The following SNRPD1 variants were observed in gnomAD, a reference collection of about 807,000 sequenced individuals.
SNRPD1 encodes the protein small nuclear ribonucleoprotein Sm D1.
Under a neutral mutation model 14.4 loss-of-function variants are expected in SNRPD1, and 1 was observed. That is an observed-to-expected ratio of 0.07 (90% confidence interval 0.02 to 0.33). The LOEUF is 0.33. Among genes scored for constraint, SNRPD1 ranks in the 10% least tolerant of loss-of-function variants. The probability of loss-of-function intolerance (pLI) is 1.00; values close to 1 mark genes in which losing one functional copy is unlikely to be tolerated. For synonymous variants in SNRPD1, 42 were observed against 50.3 expected, an observed-to-expected ratio of 0.83 and a Z score of 0.70; for missense variants, 52 against 146.4, an observed-to-expected ratio of 0.36 and a Z score of 3.33.
At chr18:21,626,200 C>T (rs748428088) in intron 3 of SNRPD1, among the ~76,000 whole-genome samples, 27 of 151,058 alleles carry the variant, frequency 1.8e-4, no homozygotes, top group Non-Finnish European at 3.5e-4. Context: ...CGAGACCAGC[C>T]CGGGCAACAT....
intron 1 of SNRPD1, among the ~76,000 whole-genome samples, chr18:21,615,739 C>T (rs2038952602): frequency 6.6e-6 from 1 of 152,112 alleles, no homozygotes; most frequent in African/African-American, 2.4e-5. Flanking sequence ...TGGAGGGAAA[C>T]AAATTTTCGT....
chr18:21,621,099 C>T (rs1350103220), intron 1 of SNRPD1, among the ~76,000 whole-genome samples: 2 of 151,816 alleles, frequency 1.3e-5, no homozygotes, highest in East Asian at 1.9e-4. Flanking sequence ...ACCTAGGAGG[C>T]GGAGGTTGCA....
At chr18:21,623,255 C>G (rs1057126845) in intron 2 of SNRPD1, among the ~76,000 whole-genome samples, 1 of 152,198 alleles carries the variant, frequency 6.6e-6, no homozygotes, top group Non-Finnish European at 1.5e-5. Context: ...CCACACCCAG[C>G]TAATTTTTTA....
At chr18:21,621,449 G>A (rs1210284558) in intron 1 of SNRPD1, among the ~76,000 whole-genome samples, 1 of 152,130 alleles carries the variant, frequency 6.6e-6, no homozygotes, top group Non-Finnish European at 1.5e-5. Context: ...CACTCAGGCT[G>A]GGGTACAGTG....
At chr18:21,620,231 G>A (rs1350199047) in intron 1 of SNRPD1, among the ~76,000 whole-genome samples, 3 of 152,108 alleles carry the variant, frequency 2.0e-5, no homozygotes, top group Non-Finnish European at 2.9e-5. Flanking sequence ...TGGGGTTACA[G>A]GCATGAGCTA....
At chr18:21,614,009 A>C (rs2038939933) in intron 1 of SNRPD1, among the ~76,000 whole-genome samples, 1 of 152,082 alleles carries the variant, frequency 6.6e-6, no homozygotes, top group African/African-American at 2.4e-5. Flanking sequence ...GTGGTGGCTC[A>C]CGCCTGTAAT....
intron 1 of SNRPD1, among the ~76,000 whole-genome samples, chr18:21,621,191 A>G (rs1292263987): frequency 2.0e-5 from 3 of 152,022 alleles, no homozygotes; most frequent in Non-Finnish European, 2.9e-5. Flanking sequence ...AAGATATTCA[A>G]TCTCACAGGT....
At chr18:21,623,984 A>G (rs756992544) in intron 3 of SNRPD1, 45 bp downstream of exon 3, 2 of 1,086,404 alleles carry the variant, frequency 1.8e-6, no homozygotes, top group Non-Finnish European at 2.8e-6. Flanking sequence ...GCTAATCCTA[A>G]TCCACACTAT....
chr18:21,620,585 C>A (rs1052500996), intron 1 of SNRPD1, among the ~76,000 whole-genome samples: 1 of 152,070 alleles, frequency 6.6e-6, no homozygotes, highest in East Asian at 1.9e-4. Flanking sequence ...TAAAAAAGAT[C>A]AATTCCAAGT....
chr18:21,617,185 T>G (rs1308814238), intron 1 of SNRPD1, among the ~76,000 whole-genome samples: 2 of 151,970 alleles, frequency 1.3e-5, no homozygotes, highest in Non-Finnish European at 2.9e-5. Flanking sequence ...CCAGGCTTGG[T>G]GGCTCATGCC....
chr18:21,622,776 A>G lies in SNRPD1; in HGVS notation c.66A>G (p.Gly22=). 6.3e-7 allele frequency: 1 copy of G among 1,586,060 alleles called. No homozygotes were observed. Residue 22 remains glycine, a synonymous_variant, in exon 2 of 4, where the codon GGA becomes GGG. Coordinates refer to ENST00000300413, the MANE Select transcript of SNRPD1 (RefSeq NM_006938.4). ...HETVTIELKN[G]TQVHGTITGV... is the part of the protein sequence containing the mutation. ...CTGTAACCATTGAATTGAAGAACGGAACACAGGTCCATGGAACAATCACAG... is the reference window on the plus strand; with the variant it reads ...CTGTAACCATTGAATTGAAGAACGGGACACAGGTCCATGGAACAATCACAG...
chr18:21,618,441 C>T (rs975173271), intron 1 of SNRPD1, among the ~76,000 whole-genome samples: 4 of 151,336 alleles, frequency 2.6e-5, no homozygotes, highest in Non-Finnish European at 5.9e-5. Flanking sequence ...CGCCTGGCCA[C>T]ATAAGGTTTT....
Position 21,632,791 on chromosome 18 carries a change from T to C in SNRPD1, c.*3653T>C, listed in dbSNP as rs969437890. On this transcript the variant is annotated 3_prime_UTR_variant, in exon 4 of 4. Transcript: ENST00000300413. ...ACTGCAGCATTTTGTACACATCTGATATTTAATGAGATGTTACATATGAAC... is the reference window on the plus strand; with the variant it reads ...ACTGCAGCATTTTGTACACATCTGACATTTAATGAGATGTTACATATGAAC... 2 of 153,704 alleles carry C rather than the reference T, an allele frequency of 1.3e-5. No homozygotes were observed. The highest frequency in any genetic ancestry group is 3.8e-4 in the East Asian group (2 of 5,266). The allele number at this position is 153,704 out of a possible 1,614,324, so 9.5% of individuals were successfully genotyped here. A position where few individuals can be genotyped will look rare whatever the true frequency, so the allele number is the denominator to read the frequency against.
intron 2 of SNRPD1, 74 bp from the exon 3 acceptor site, chr18:21,623,674 C>A: frequency 9.4e-7 from 1 of 1,062,324 alleles, no homozygotes; most frequent in Non-Finnish European, 1.4e-6. Context: ...CCAGTATTTA[C>A]TGTGGCTCAG....
intron 3 of SNRPD1, among the ~76,000 whole-genome samples, chr18:21,626,950 T>A (rs1395869772): frequency 6.6e-6 from 1 of 151,386 alleles, no homozygotes; most frequent in Admixed American, 6.6e-5. Flanking sequence ...TTTGGATTTT[T>A]TTTTTTTTTG....
chr18:21,618,350 C>T (rs1185618319), intron 1 of SNRPD1, among the ~76,000 whole-genome samples: 2 of 151,324 alleles, frequency 1.3e-5, no homozygotes, highest in Non-Finnish European at 3.0e-5. Context: ...TAAAAAAAAA[C>T]ACAAAAAAAA....
chr18:21,619,550 C>G (rs2038982358), intron 1 of SNRPD1, among the ~76,000 whole-genome samples: 1 of 151,510 alleles, frequency 6.6e-6, no homozygotes, highest in Admixed American at 6.6e-5. Flanking sequence ...TTTGGGAGGC[C>G]AAGGTGGGCA....
chr18:21,615,620 AAAAAAAG>A (rs1383986186), intron 1 of SNRPD1, among the ~76,000 whole-genome samples: 2 of 152,178 alleles, frequency 1.3e-5, no homozygotes, highest in East Asian at 3.8e-4. Flanking sequence ...TCCGTCTCAA[AAAAAAAG>A]AAAAAAGAAA....
chr18:21,622,859 G>A (rs2039008335), intron 2 of SNRPD1, 58 bp downstream of exon 2: 1 of 820,030 alleles, frequency 1.2e-6, no homozygotes. Context: ...CCTAGCCAGA[G>A]TTTATTTTTT....
Sources: gnomAD v4.1 joint callset for allele counts (sites outside exome capture counted in the v4.1 genomes callset) on GRCh38, gnomAD v4.1.1 for gene constraint, MANE v1.5 for transcripts, NCBI Gene and HGNC (gene_info 2026-07-23, HGNC 2026-07-21) for gene names.